GPC5: variants seen among roughly 807,000 people sequenced by gnomAD.
GPC5 encodes glypican 5, also known as glypican-5.
A neutral mutation model predicts 53.9 loss-of-function variants in GPC5; 47 were observed. That is an observed-to-expected ratio of 0.87 (90% CI 0.69 to 1.11). GPC5 has a LOEUF of 1.11. GPC5 is among the 50% of genes most tolerant of loss of function. The pLI is 0.00. For missense variants in GPC5, 748 were observed against 713.1 expected (o/e 1.05, Z -0.56); for synonymous variants, 286 against 263.3 (o/e 1.09, Z -0.84).
intron 1 of GPC5, among the ~76,000 whole-genome samples, chr13:91,424,280 C>T (rs1261244828): frequency 6.9e-6 from 1 of 144,324 alleles, no homozygotes; most frequent in Non-Finnish European, 1.5e-5. Context: ...ATTCCTTGAC[C>T]TTCTTAGGAC....
In GPC5 at chr13:91,621,759, CATTATATATAT is replaced by C. The variant is rs1468203559; in HGVS notation, c.326-71425_326-71415del. 5.9e-4 allele frequency among the ~76,000 whole-genome samples: 63 copies of C among 107,428 alleles called. 9 individuals carry two copies. The highest frequency in any genetic ancestry group is 4.0e-3 in the South Asian group (14 of 3,478). The allele number at this position is 107,428 out of a possible 152,430, so 70.5% of individuals were successfully genotyped here. ...GTCAGGGTTCTCTAAAGGGACAGAA[CATTATATATAT>C]ATATATATATATATATATATATGAA... On this transcript the variant is annotated intron_variant, in intron 2 of 7. Transcript: ENST00000377067.
intron 7 of GPC5, among the ~76,000 whole-genome samples, chr13:92,572,769 A>G (rs1245467292): frequency 6.6e-6 from 1 of 152,174 alleles, no homozygotes; most frequent in African/African-American, 2.4e-5. Flanking sequence ...ATTATTCTGT[A>G]TATAACTGAA....
chr13:92,794,561 G>T (rs1876587756), intron 7 of GPC5, among the ~76,000 whole-genome samples: 1 of 152,084 alleles, frequency 6.6e-6, no homozygotes, highest in Admixed American at 6.6e-5. Context: ...AAGAAATAAA[G>T]TGTATTCCCT....
intron 7 of GPC5, among the ~76,000 whole-genome samples, chr13:92,679,781 T>C (rs1185152183): frequency 2.6e-5 from 4 of 152,156 alleles, no homozygotes; most frequent in Admixed American, 1.3e-4. Context: ...ACCATATATT[T>C]ACATGAATTG....
At chr13:92,004,026 AC>A in intron 6 of GPC5, among the ~76,000 whole-genome samples, 1 of 152,200 alleles carries the variant, frequency 6.6e-6, no homozygotes. Flanking sequence ...AGAATTTTGA[AC>A]AAGAAACTTG....
intron 5 of GPC5, among the ~76,000 whole-genome samples, chr13:91,866,175 C>T (rs1340426245): frequency 2.0e-5 from 3 of 152,158 alleles, no homozygotes; most frequent in Non-Finnish European, 2.9e-5. Flanking sequence ...GCCATGAATA[C>T]TTTTTAAATT....
intron 2 of GPC5, among the ~76,000 whole-genome samples, chr13:91,631,624 C>T (rs747905492): frequency 5.2e-4 from 79 of 152,144 alleles, no homozygotes; most frequent in Middle Eastern, 3.4e-3. Flanking sequence ...GGGTAGGCAA[C>T]GCTCAAAGGG....
chr13:91,463,229 C>T (rs1373688861), intron 2 of GPC5, among the ~76,000 whole-genome samples: 1 of 152,146 alleles, frequency 6.6e-6, no homozygotes, highest in Non-Finnish European at 1.5e-5. Context: ...CTCTACATCA[C>T]TTCATTTGCA....
At chr13:92,631,559 G>A (rs1046126105) in intron 7 of GPC5, among the ~76,000 whole-genome samples, 1 of 152,094 alleles carries the variant, frequency 6.6e-6, no homozygotes, top group Non-Finnish European at 1.5e-5. Context: ...TACATCAAAG[G>A]AGGGGGATAA....
At chr13:91,959,057 A>AACACACACACAC (rs147785443) in intron 6 of GPC5, among the ~76,000 whole-genome samples, 9 of 127,654 alleles carry the variant, frequency 7.1e-5, no homozygotes, top group South Asian at 5.5e-4. Flanking sequence ...GAATGGAGAC[A>AACACACACACAC]ACACACACAC....
At chr13:92,272,978 A>C (rs1047447199) in intron 7 of GPC5, among the ~76,000 whole-genome samples, 41 of 152,166 alleles carry the variant, frequency 2.7e-4, no homozygotes, top group Admixed American at 2.6e-3. Flanking sequence ...AAGCAAGTCA[A>C]CTTGTGAAAG....
chr13:92,605,596 T>A (rs866468314), intron 7 of GPC5, among the ~76,000 whole-genome samples: 45 of 150,726 alleles, frequency 3.0e-4, no homozygotes, highest in African/African-American at 7.9e-4. Context: ...TTTTTTTATT[T>A]TTTTGAGACG....
At chr13:91,432,303 T>G (rs1414832232) in intron 1 of GPC5, among the ~76,000 whole-genome samples, 3 of 151,892 alleles carry the variant, frequency 2.0e-5, no homozygotes, top group Admixed American at 6.6e-5. Context: ...GAATGTTACT[T>G]GTTGACTCCA....
chr13:92,597,019 C>G (rs999625528), intron 7 of GPC5, among the ~76,000 whole-genome samples: 6 of 152,094 alleles, frequency 3.9e-5, no homozygotes, highest in Admixed American at 6.6e-5. Flanking sequence ...ATTAATTTCC[C>G]CCTCTTCACA....
At chr13:92,707,982 C>CAATT (rs1336881131) in intron 7 of GPC5, among the ~76,000 whole-genome samples, 1 of 152,034 alleles carries the variant, frequency 6.6e-6, no homozygotes, top group East Asian at 1.9e-4. Context: ...GACACCACCT[C>CAATT]AGACTCTAAT....
At chr13:92,135,427 C>A (rs2041776062) in intron 6 of GPC5, among the ~76,000 whole-genome samples, 1 of 152,044 alleles carries the variant, frequency 6.6e-6, no homozygotes, top group Non-Finnish European at 1.5e-5. Flanking sequence ...TTTGAACTCT[C>A]CTGGGAGGTC....
In GPC5 at chr13:92,564,634, A is replaced by T. The variant is rs186687354; in HGVS notation, c.1562-301648A>T. On this transcript the variant is annotated intron_variant, in intron 7 of 7. Coordinates refer to ENST00000377067, the MANE Select transcript of GPC5 (RefSeq NM_004466.6). ...TGTTACCGTCACCCAGGTAGTGAGC[A>T]GAGTACCCAATGGGTAGTTTTTCAG... 1.8e-3 allele frequency among the ~76,000 whole-genome samples: 276 copies of T among 152,186 alleles called. 2 individuals carry two copies. The highest frequency in any genetic ancestry group is 6.5e-3 in the African/African-American group (270 of 41,556).
chr13:92,112,953 A>G (rs2041570034), intron 6 of GPC5, among the ~76,000 whole-genome samples: 1 of 152,166 alleles, frequency 6.6e-6, no homozygotes, highest in Admixed American at 6.5e-5. Flanking sequence ...ATTATTTGCT[A>G]ATATTCCTTT....
rs919077418 is a variant in GPC5, at chr13:91,746,638, C to T, written c.1155-9657C>T. Among the ~76,000 whole-genome samples, 8 of 152,108 alleles carry T rather than the reference C, an allele frequency of 5.3e-5. 1 individual carries two copies. The highest frequency in any genetic ancestry group is 1.9e-4 in the African/African-American group (8 of 41,422). On this transcript the variant is annotated intron_variant, in intron 4 of 7. Transcript: ENST00000377067. ...TAGCAAGGTCTAATTAAATGAAGTG[C>T]AAGGTCAAATGTAGATTAGAGCCAT...
Sources: gnomAD v4.1 joint callset for allele counts (sites outside exome capture counted in the v4.1 genomes callset) on GRCh38, gnomAD v4.1.1 for gene constraint, MANE v1.5 for transcripts, NCBI Gene and HGNC (gene_info 2026-07-23, HGNC 2026-07-21) for gene names.